The following ANK2 variants were observed in gnomAD, a reference collection of about 807,000 sequenced individuals.
ANK2 encodes ankyrin 2.
Under a neutral mutation model 360.5 loss-of-function variants are expected in ANK2, and 83 were observed. That is an observed-to-expected ratio of 0.23 (90% CI 0.19 to 0.28). The LOEUF is 0.28. Ranked by LOEUF, ANK2 falls within the 10% of genes least tolerant of loss-of-function variation. The pLI, the probability that ANK2 is intolerant of heterozygous loss-of-function variation, is 1.00. For synonymous variants in ANK2, 1,740 were observed against 1,759.5 expected, an observed-to-expected ratio of 0.99 and a Z score of 0.28; for missense variants, 4,201 against 4,795.7, an observed-to-expected ratio of 0.88 and a Z score of 3.66.
upstream of ANK2, among the ~76,000 whole-genome samples, chr4:113,048,203 G>A (rs1475978309): frequency 8.0e-6 from 1 of 125,436 alleles, no homozygotes; most frequent in East Asian, 2.4e-4. Context: ...ATACATATGT[G>A]CATTTGTACA....
intron 18 of ANK2, 51 bp downstream of exon 18, chr4:113,282,923 C>G: frequency 6.3e-7 from 1 of 1,588,186 alleles, no homozygotes; most frequent in Non-Finnish European, 8.6e-7. Flanking sequence ...TGCATGTAAA[C>G]AGGAACCAAT....
intron 1 of ANK2, among the ~76,000 whole-genome samples, chr4:113,076,266 C>A (rs2079914059): frequency 6.6e-6 from 1 of 152,232 alleles, no homozygotes. Context: ...TGTTGGGCTG[C>A]ATTCAAATCC....
At chr4:112,830,680 C>A (rs2059518460) in intron 1 of ANK2, among the ~76,000 whole-genome samples, 1 of 152,152 alleles carries the variant, frequency 6.6e-6, no homozygotes, top group Admixed American at 6.5e-5. Context: ...TCGGCACCTC[C>A]TCAGGCTACG....
At chr4:113,334,620 AT>A (rs2153951752) in intron 29 of ANK2, among the ~76,000 whole-genome samples, 3 of 128,546 alleles carry the variant, frequency 2.3e-5, no homozygotes, top group African/African-American at 4.0e-5. Context: ...TAGAAAGTTA[AT>A]AGATTAATTA....
Position 113,367,657 on chromosome 4 carries a change from C to G in ANK2, c.11124C>G (p.His3708Gln), listed in dbSNP as rs753907196. The G allele has an allele frequency of 4.3e-6, 7 of 1,613,906 alleles. No individual in the cohort carries two copies. Among genetic ancestry groups the G allele is most frequent in the Non-Finnish European group, 5.9e-6 (7 of 1,179,988 alleles). The change falls in exon 42 of 46, where the codon CAC becomes CAG. Residue 3708 changes from histidine (H) to glutamine (Q), a missense_variant. This residue lies in a region of ANK2 where 2,642 missense variants were observed against 2,714.5 expected (regional missense o/e 0.97). Coordinates refer to ENST00000357077, the MANE Select transcript of ANK2 (RefSeq NM_001148.6). Reference protein sequence around the residue: ...AVSKESETCDHPPIVSEEDIS... With the variant: ...AVSKESETCDQPPIVSEEDIS... Reference sequence around the variant, plus strand: ...CTAAAGAAAGTGAGACCTGCGATCACCCTCCTATCGTCTCAGAGGAAGACA... The same window carrying G: ...CTAAAGAAAGTGAGACCTGCGATCAGCCTCCTATCGTCTCAGAGGAAGACA...
At chr4:113,043,658 C>A (rs1034463635) in intron 2 of ANK2, among the ~76,000 whole-genome samples, 3 of 151,884 alleles carry the variant, frequency 2.0e-5, no homozygotes, top group Admixed American at 2.0e-4. Context: ...CCACTGATAA[C>A]AAAAGTATAA....
chr4:112,975,499 A>T (rs546887915), intron 2 of ANK2, among the ~76,000 whole-genome samples: 1 of 152,314 alleles, frequency 6.6e-6, no homozygotes, highest in South Asian at 2.1e-4. Flanking sequence ...TCACTGTTTG[A>T]TGTATTCAGT....
intron 2 of ANK2, among the ~76,000 whole-genome samples, chr4:112,974,797 TC>T (rs2040777262): frequency 6.6e-6 from 1 of 151,986 alleles, no homozygotes; most frequent in African/African-American, 2.4e-5. Flanking sequence ...CTGTTTTTTT[TC>T]CTCTCCTCAT....
At chr4:113,370,186 G>C (rs2096679021) in intron 43 of ANK2, among the ~76,000 whole-genome samples, 1 of 152,206 alleles carries the variant, frequency 6.6e-6, no homozygotes, top group African/African-American at 2.4e-5. Flanking sequence ...GCTGGGACCA[G>C]CAGGCTTGTT....
intron 1 of ANK2, among the ~76,000 whole-genome samples, chr4:112,845,153 G>A (rs1190364099): frequency 6.6e-6 from 1 of 152,046 alleles, no homozygotes; most frequent in Non-Finnish European, 1.5e-5. Context: ...TTTTATTTTG[G>A]TAAAATCTGT....
chr4:113,179,606 C>A (rs916775326), intron 2 of ANK2, among the ~76,000 whole-genome samples: 1 of 151,980 alleles, frequency 6.6e-6, no homozygotes, highest in South Asian at 2.1e-4. Context: ...TAAAAGATTA[C>A]ACCAGTCATC....
intron 7 of ANK2, among the ~76,000 whole-genome samples, chr4:113,240,001 T>C (rs2038860279): frequency 6.6e-6 from 1 of 152,196 alleles, no homozygotes; most frequent in African/African-American, 2.4e-5. Context: ...TAAGAATTTT[T>C]CAACATATTT....
At chr4:113,329,155 A>G (rs1208899591) in intron 26 of ANK2, among the ~76,000 whole-genome samples, 1 of 152,258 alleles carries the variant, frequency 6.6e-6, no homozygotes, top group Admixed American at 6.5e-5. Context: ...ATACGTATAC[A>G]CAACACTTAG....
rs185460013 is a variant in ANK2 at position 112,850,572 on chromosome 4, A to G, written c.-40+32308A>G. ...CTCTCTGTCTCCCAAGCTGGAGTGC[A>G]GTGGCACGATCTTGGCTCACTGCAA... On this transcript the variant is annotated intron_variant, in intron 1 of 30. Transcript: ENST00000503271. 4.8e-3 allele frequency among the ~76,000 whole-genome samples: 544 copies of G among 113,194 alleles called. 2 individuals carry two copies. The highest frequency in any genetic ancestry group is 6.7e-3 in the Admixed American group (52 of 7,774). The allele number at this position is 113,194 out of a possible 152,430, so 74.3% of individuals were successfully genotyped here. A position where few individuals can be genotyped will look rare whatever the true frequency, so the allele number is the denominator to read the frequency against.
intron 2 of ANK2, among the ~76,000 whole-genome samples, chr4:112,933,423 C>A (rs2093434734): frequency 6.6e-6 from 1 of 152,026 alleles, no homozygotes; most frequent in South Asian, 2.1e-4. Flanking sequence ...ATCACCTAAC[C>A]CTTCTGATTT....
At chr4:113,271,939 A>C (rs2058692656) in intron 14 of ANK2, among the ~76,000 whole-genome samples, 1 of 152,176 alleles carries the variant, frequency 6.6e-6, no homozygotes, top group African/African-American at 2.4e-5. Context: ...AGGCCACCAG[A>C]GCCTGACCAT....
intron 2 of ANK2, among the ~76,000 whole-genome samples, chr4:113,025,088 T>G (rs555397783): frequency 6.6e-6 from 1 of 152,254 alleles, no homozygotes; most frequent in East Asian, 1.9e-4. Context: ...TTCTAATTCT[T>G]ACATCCATAA....
the ANK2 span, among the ~76,000 whole-genome samples, chr4:112,736,734 T>C: frequency 6.6e-6 from 1 of 152,178 alleles, no homozygotes; most frequent in Non-Finnish European, 1.5e-5. Context: ...AAATCCTTTT[T>C]AGAGGTAACA....
intron 1 of ANK2, among the ~76,000 whole-genome samples, chr4:113,053,366 T>C (rs980514359): frequency 6.6e-6 from 1 of 152,224 alleles, no homozygotes; most frequent in Non-Finnish European, 1.5e-5. Context: ...CTTCATCTGA[T>C]ACTTCCAACA....
Sources: gnomAD v4.1 joint callset for allele counts (sites outside exome capture counted in the v4.1 genomes callset) on GRCh38, gnomAD v4.1.1 for gene constraint, gnomAD v4.1.1 regional missense constraint, MANE v1.5 for transcripts, NCBI Gene and HGNC (gene_info 2026-07-23, HGNC 2026-07-21) for gene names.